R3HDM1: variants seen among roughly 807,000 people sequenced by gnomAD.
The protein encoded by R3HDM1 is R3H domain containing 1.
In R3HDM1, 46 loss-of-function variants were observed where a neutral mutation model predicts 141.1. That is an observed-to-expected ratio of 0.33 (90% CI 0.26 to 0.42). R3HDM1 has a LOEUF of 0.42. R3HDM1 is among the 10% of genes least tolerant of loss of function. The pLI is 1.00. For missense variants in R3HDM1, 1,184 were observed against 1,368.3 expected (o/e 0.87, Z 2.12); for synonymous variants, 435 against 472.9 (o/e 0.92, Z 1.04).
intron 1 of R3HDM1, among the ~76,000 whole-genome samples, chr2:135,561,895 A>G (rs548484941): frequency 2.6e-5 from 4 of 152,324 alleles, no homozygotes; most frequent in African/African-American, 7.2e-5. Flanking sequence ...AATTAACTGA[A>G]TTATAGGCTT....
In R3HDM1 at chr2:135,588,087, CTCTT is replaced by C. The variant is rs902845929; in HGVS notation, c.-249-14409_-249-14406del. On this transcript the variant is annotated intron_variant, in intron 1 of 26. Coordinates refer to ENST00000683871, the MANE Select transcript of R3HDM1 (RefSeq NM_001378107.1). ...TACCTCCCTCCTTCCTCTTTTCTTT[CTCTT>C]TCTGTCTTTCCTTTTCTGCCCCTCT... Among the ~76,000 whole-genome samples the C allele has an allele frequency of 1.3e-4, 19 of 151,822 alleles. 1 individual carries two copies. The highest frequency in any genetic ancestry group is 1.1e-3 in the Admixed American group (17 of 15,194).
intron 7 of R3HDM1, among the ~76,000 whole-genome samples, chr2:135,629,877 G>A (rs1434827309): frequency 6.6e-6 from 1 of 152,106 alleles, no homozygotes; most frequent in Non-Finnish European, 1.5e-5. Flanking sequence ...CATGTTTCAT[G>A]TAGAATAGAT....
intron 16 of R3HDM1, among the ~76,000 whole-genome samples, chr2:135,646,958 A>G (rs985204656): frequency 6.6e-6 from 1 of 152,030 alleles, no homozygotes; most frequent in Non-Finnish European, 1.5e-5. Flanking sequence ...AAATGATATC[A>G]TTTGTATTGC....
intron 19 of R3HDM1, chr2:135,668,983 T>C (rs2067925147): frequency 3.6e-6 from 1 of 277,490 alleles, no homozygotes; most frequent in Admixed American, 6.5e-5. Flanking sequence ...CTGTGGGATG[T>C]GGAACCTGAA....
intron 7 of R3HDM1, among the ~76,000 whole-genome samples, chr2:135,626,205 G>GCTTGCTTGCTTGCT (rs2062014749): frequency 8.6e-6 from 1 of 116,136 alleles, no homozygotes; most frequent in African/African-American, 4.3e-5. Context: ...GCGTGCGTGC[G>GCTTGCTTGCTTGCT]TGCGTGCTTG....
At chr2:135,571,990 CACCACG>C (rs747126929) in intron 1 of R3HDM1, among the ~76,000 whole-genome samples, 38,849 of 151,848 alleles carry the variant, frequency 0.26, 8,745 homozygotes, top group African/African-American at 0.6. Flanking sequence ...GTCATCCAGG[CACCACG>C]TCATCCAGGA....
At chr2:135,671,117 C>T (rs1463104230) in intron 19 of R3HDM1, among the ~76,000 whole-genome samples, 1 of 150,224 alleles carries the variant, frequency 6.7e-6, no homozygotes, top group African/African-American at 2.5e-5. Flanking sequence ...ACCTTCATTA[C>T]AAACTTTACA....
intron 3 of R3HDM1, among the ~76,000 whole-genome samples, chr2:135,613,214 G>T (rs2060704977): frequency 6.6e-6 from 1 of 152,142 alleles, no homozygotes; most frequent in South Asian, 2.1e-4. Flanking sequence ...TTGCTTCAAG[G>T]CTTATTCCAG....
At chr2:135,673,839 G>A (rs748259899) in intron 19 of R3HDM1, among the ~76,000 whole-genome samples, 30 of 152,200 alleles carry the variant, frequency 2.0e-4, no homozygotes, top group Non-Finnish European at 3.4e-4. Flanking sequence ...TGTGTTTTTG[G>A]TTTTTTGTTT....
chr2:135,562,525 A>G (rs146654765), intron 1 of R3HDM1, among the ~76,000 whole-genome samples: 119 of 152,336 alleles, frequency 7.8e-4, no homozygotes, highest in African/African-American at 2.7e-3. Context: ...GGCATCAGAT[A>G]TACTAAGCCA....
At chr2:135,717,409 G>A (rs577297308) in intron 24 of R3HDM1, among the ~76,000 whole-genome samples, 9 of 152,066 alleles carry the variant, frequency 5.9e-5, no homozygotes, top group African/African-American at 1.9e-4. Context: ...GCTTGAACTC[G>A]GGAGGCAGAG....
At chr2:135,565,059 A>G (rs984620069) in intron 1 of R3HDM1, among the ~76,000 whole-genome samples, 3 of 152,118 alleles carry the variant, frequency 2.0e-5, no homozygotes, top group African/African-American at 7.2e-5. Flanking sequence ...CATTTAACAC[A>G]GCCAGTTCTA....
At chr2:135,594,861 A>G (rs957688983) in intron 1 of R3HDM1, among the ~76,000 whole-genome samples, 7 of 151,938 alleles carry the variant, frequency 4.6e-5, no homozygotes, top group East Asian at 1.9e-4. Context: ...CATTCTGACA[A>G]CCTTCCTCTA....
intron 21 of R3HDM1, among the ~76,000 whole-genome samples, chr2:135,706,008 A>T (rs2074858035): frequency 6.6e-6 from 1 of 151,874 alleles, no homozygotes; most frequent in East Asian, 1.9e-4. Context: ...GGGCACCTGT[A>T]GTCCCAGCTA....
At chr2:135,723,031 A>G (rs2076844030) in intron 26 of R3HDM1, among the ~76,000 whole-genome samples, 1 of 152,170 alleles carries the variant, frequency 6.6e-6, no homozygotes, top group African/African-American at 2.4e-5. Context: ...GAGATCACCT[A>G]ATTTAGAGAA....
At chr2:135,689,016 G>A (rs899917533) in intron 21 of R3HDM1, among the ~76,000 whole-genome samples, 39 of 152,318 alleles carry the variant, frequency 2.6e-4, no homozygotes, top group African/African-American at 9.1e-4. Context: ...ATAAGAATAT[G>A]TATTTGTTTT....
intron 3 of R3HDM1, among the ~76,000 whole-genome samples, chr2:135,607,627 CT>C (rs1466725694): frequency 6.6e-6 from 1 of 152,164 alleles, no homozygotes; most frequent in African/African-American, 2.4e-5. Flanking sequence ...TAATAAAATA[CT>C]TCATTTTAGC....
chr2:135,565,339 T>C (rs1336904059), intron 1 of R3HDM1, among the ~76,000 whole-genome samples: 1 of 147,320 alleles, frequency 6.8e-6, no homozygotes, highest in Non-Finnish European at 1.5e-5. Context: ...ATTATTATTA[T>C]TATTATTATT....
At chr2:135,575,104 G>A (rs1339759997) in intron 1 of R3HDM1, among the ~76,000 whole-genome samples, 2 of 152,186 alleles carry the variant, frequency 1.3e-5, no homozygotes, top group Non-Finnish European at 2.9e-5. Flanking sequence ...GTCACACGAT[G>A]CACAAAGTAA....
Sources: allele counts gnomAD v4.1 joint callset (sites outside exome capture counted in the v4.1 genomes callset), GRCh38; gene constraint gnomAD v4.1.1; transcripts MANE v1.5; gene names NCBI Gene and HGNC (gene_info 2026-07-23, HGNC 2026-07-21).